The following CDKL3 variants were observed in gnomAD, a reference collection of about 807,000 sequenced individuals.
The protein encoded by CDKL3 is cyclin dependent kinase like 3.
A neutral mutation model predicts 69.3 loss-of-function variants in CDKL3; 65 were observed. The ratio of observed to expected loss-of-function variants is 0.94; its 90% CI spans 0.77 to 1.15. CDKL3 has a LOEUF of 1.15. Ranked by LOEUF, CDKL3 falls within the 50% of genes most tolerant of loss-of-function variation. CDKL3 has a pLI of 0.00. For missense variants in CDKL3, 652 were observed against 689.2 expected, an observed-to-expected ratio of 0.95 and a Z score of 0.61; for synonymous variants, 202 against 221.6, an observed-to-expected ratio of 0.91 and a Z score of 0.79.
At chr5:134,338,391 C>A (rs1777603380) in intron 4 of CDKL3, among the ~76,000 whole-genome samples, 2 of 151,856 alleles carry the variant, frequency 1.3e-5, no homozygotes, top group Non-Finnish European at 2.9e-5. Flanking sequence ...AGGAACAACC[C>A]TCAAAAATAT....
chr5:134,323,089 G>T (rs1169395129), intron 4 of CDKL3, among the ~76,000 whole-genome samples: 6 of 151,944 alleles, frequency 3.9e-5, no homozygotes, highest in Non-Finnish European at 8.8e-5. Context: ...AGAAATAAAA[G>T]ATCTAAATAA....
At chr5:134,336,819 C>T (rs983931244) in intron 4 of CDKL3, among the ~76,000 whole-genome samples, 9 of 152,148 alleles carry the variant, frequency 5.9e-5, no homozygotes, top group South Asian at 2.1e-4. Flanking sequence ...TGTCTGTTAT[C>T]GGAGCTCAGA....
Position 134,306,657 on chromosome 5 carries a change from A to C in CDKL3, c.1410T>G (p.Ile470Met). ...GCCTGCTATTAGGCATAACTTGTCC[A>C]ATAGATTGTGAAGAAGTGCGTCTCT... ...AKKRRTSSQSIGQVMPNSRQE... is the reference protein window; with the variant it reads ...AKKRRTSSQSMGQVMPNSRQE... The change falls in exon 10 of 13, where the codon ATT (isoleucine) becomes ATG (methionine). Residue 470 changes from isoleucine (I) to methionine (M), a missense_variant. Transcript: ENST00000265334. The C allele has an allele frequency of 6.3e-7, 1 of 1,583,580 alleles. No homozygotes were observed. The highest frequency in any genetic ancestry group is 8.5e-7 in the Non-Finnish European group (1 of 1,170,912).
At chr5:134,342,776 A>C (rs1750837341) in intron 4 of CDKL3, among the ~76,000 whole-genome samples, 1 of 152,178 alleles carries the variant, frequency 6.6e-6, no homozygotes. Flanking sequence ...GTTTTGCAAA[A>C]ATTGAGAAGC....
At chr5:134,371,560 T>A, upstream of CDKL3, 1 of 1,609,296 alleles carries the variant, frequency 6.2e-7, no homozygotes, top group Non-Finnish European at 8.5e-7. Context: ...GCGGGACTTT[T>A]TTTTTTTCAG....
At chr5:134,365,287 T>C (rs1262558554) in intron 2 of CDKL3, among the ~76,000 whole-genome samples, 1 of 151,886 alleles carries the variant, frequency 6.6e-6, no homozygotes, top group Non-Finnish European at 1.5e-5. Flanking sequence ...TTAATTTTTT[T>C]TGTTTAATTT....
chr5:134,323,430 A>G (rs572743484), intron 4 of CDKL3, among the ~76,000 whole-genome samples: 10 of 152,322 alleles, frequency 6.6e-5, no homozygotes, highest in African/African-American at 1.9e-4. Context: ...AGCCAACACA[A>G]TTTGAAAAAG....
intron 4 of CDKL3, among the ~76,000 whole-genome samples, chr5:134,326,825 A>ATATGTGTGTG (rs1554090743): frequency 6.7e-5 from 7 of 104,182 alleles, no homozygotes; most frequent in South Asian, 2.9e-4. Context: ...GTGTATATAT[A>ATATGTGTGTG]TATATATATA....
At position 134,304,494 on chromosome 5, in the gene CDKL3, T is replaced by C. The variant is rs1327618174; in HGVS notation, c.1532A>G (p.Lys511Arg). ...SDQMANENKRKLNFSRSDRKE... is the reference protein window; with the variant it reads ...SDQMANENKRRLNFSRSDRKE... Reference sequence around the variant, plus strand: ...CCTGTCAGATCTGGAAAAATTCAGCTTCCTTTTGTTCTCATTTGCCATTTG... The same window carrying C: ...CCTGTCAGATCTGGAAAAATTCAGCCTCCTTTTGTTCTCATTTGCCATTTG... The change falls in exon 11 of 13, where the codon AAG becomes AGG. Residue 511 changes from lysine (K) to arginine (R), a missense_variant. By Grantham distance (26) the Lys-to-Arg change is conservative. Coordinates refer to ENST00000265334, the MANE Select transcript of CDKL3 (RefSeq NM_001113575.2). 6.2e-7 allele frequency: 1 copy of C among 1,612,906 alleles called. No individual in the cohort carries two copies. Among genetic ancestry groups the C allele is most frequent in the South Asian group, 1.1e-5 (1 of 90,900 alleles).
intron 8 of CDKL3, among the ~76,000 whole-genome samples, chr5:134,288,094 A>G (rs895144775): frequency 5.3e-5 from 8 of 151,952 alleles, no homozygotes; most frequent in African/African-American, 1.9e-4. Context: ...GGGTTTCTCC[A>G]TGTTGGTCAG....
chr5:134,319,418 G>C lies in CDKL3; in HGVS notation c.732C>G (p.His244Gln). 1 of 1,542,418 alleles carries C rather than the reference G, an allele frequency of 6.5e-7. No individual in the cohort carries two copies. The highest frequency in any genetic ancestry group is 1.4e-5 in the African/African-American group (1 of 72,368). Residue 244 changes from histidine (H) to glutamine (Q), a missense_variant, in exon 6 of 13, where the codon CAC becomes CAG. Physicochemically the swap from His to Gln is conservative, Grantham distance 24. Transcript: ENST00000265334. ...GATATTTTTTTCTTGCATTTTTGGGGTGTTGAACTTGAGGAAGAACTACCC... is the reference window on the plus strand; with the variant it reads ...GATATTTTTTTCTTGCATTTTTGGGCTGTTGAACTTGAGGAAGAACTACCC... ...FAGVVLPQVQ[H>Q]PKNARKKYPK...
upstream of CDKL3, chr5:134,371,623 A>T: frequency 6.2e-7 from 1 of 1,612,876 alleles, no homozygotes; most frequent in Non-Finnish European, 8.5e-7. Context: ...GAGGAGGCTC[A>T]TGCGGGATTT....
intron 12 of CDKL3, 63 bp downstream of exon 12, chr5:134,302,527 A>G (rs1766602869): frequency 2.5e-6 from 2 of 811,296 alleles, no homozygotes; most frequent in Admixed American, 2.8e-5. Context: ...AACTAAATTT[A>G]TACACTGAGT....
chr5:134,323,981 C>A (rs1211658564), intron 4 of CDKL3, among the ~76,000 whole-genome samples: 1 of 152,012 alleles, frequency 6.6e-6, no homozygotes, highest in Non-Finnish European at 1.5e-5. Flanking sequence ...ATCCAAAATA[C>A]ATAAAACTCT....
intron 8 of CDKL3, among the ~76,000 whole-genome samples, chr5:134,287,582 A>G (rs1055059061): frequency 3.3e-5 from 5 of 152,176 alleles, no homozygotes; most frequent in African/African-American, 7.2e-5. Context: ...TTGATTGCCA[A>G]TTCAGCTGCC....
chr5:134,350,376 T>C lies in CDKL3; in HGVS notation c.412A>G (p.Ile138Val). The change falls in exon 4 of 13, where the codon ATT (isoleucine) becomes GTT (valine). Residue 138 changes from isoleucine to valine, a missense_variant. Transcript: ENST00000265334. ...AAACCAAAATCACAGAGCTTAGTAA[T>C]TCCTGACTGGGATACTAAAATATTC... Reference protein sequence around the residue: ...PENILVSQSGITKLCDFGFAR... With the variant: ...PENILVSQSGVTKLCDFGFAR... The C allele has an allele frequency of 1.9e-6, 3 of 1,579,912 alleles. No homozygotes were observed. Among genetic ancestry groups the C allele is most frequent in the Non-Finnish European group, 2.6e-6 (3 of 1,161,926 alleles).
chr5:134,322,033 T>G (rs1772928901), intron 4 of CDKL3, 130 bp from the exon 5 acceptor site: 6 of 635,030 alleles, frequency 9.4e-6, no homozygotes, highest in Non-Finnish European at 8.3e-6. Flanking sequence ...GTTTTGTTTT[T>G]TTTCGAGACC....
At chr5:134,339,058 G>A (rs924463129) in intron 4 of CDKL3, among the ~76,000 whole-genome samples, 3 of 151,904 alleles carry the variant, frequency 2.0e-5, no homozygotes, top group Non-Finnish European at 2.9e-5. Flanking sequence ...GGAGGGTGAG[G>A]AAGGGAGAAC....
chr5:134,311,985 G>C (rs1185557947), intron 7 of CDKL3, among the ~76,000 whole-genome samples: 1 of 152,006 alleles, frequency 6.6e-6, no homozygotes, highest in Non-Finnish European at 1.5e-5. Context: ...TGTAGAGACA[G>C]GGGTCTCTCT....
Sources: allele counts gnomAD v4.1 joint callset (sites outside exome capture counted in the v4.1 genomes callset), GRCh38; gene constraint gnomAD v4.1.1; transcripts MANE v1.5; gene names NCBI Gene and HGNC (gene_info 2026-07-23, HGNC 2026-07-21).